Variants in ABCC3 observed in about 807,000 individuals in gnomAD.
ABCC3 encodes ATP binding cassette subfamily C member 3, also known as ATP-binding cassette sub-family C member 3.
A neutral mutation model predicts 165.3 loss-of-function variants in ABCC3; 121 were observed. That is an observed-to-expected ratio of 0.73 (90% CI 0.63 to 0.85). The LOEUF is 0.85. ABCC3 is among the 40% of genes least tolerant of loss of function. ABCC3 has a pLI of 0.00. For synonymous variants in ABCC3, 733 were observed against 810.1 expected, an observed-to-expected ratio of 0.90 and a Z score of 1.62; for missense variants, 1,869 against 1,964.1, an observed-to-expected ratio of 0.95 and a Z score of 0.92.
chr17:50,668,662 G>T, intron 14 of ABCC3, 145 bp downstream of exon 14: 1 of 787,604 alleles, frequency 1.3e-6, no homozygotes, highest in Non-Finnish European at 2.1e-6. Flanking sequence ...TCCCTCTTCC[G>T]GGTTCTCTGC....
chr17:50,635,695 C>A, intron 1 of ABCC3: 2 of 670,290 alleles, frequency 3.0e-6, no homozygotes, highest in South Asian at 1.6e-5. Flanking sequence ...CAAAGTTACC[C>A]AGTTCAATGA....
At chr17:50,688,949 T>A (rs1968071807) in intron 30 of ABCC3, among the ~76,000 whole-genome samples, 1 of 149,752 alleles carries the variant, frequency 6.7e-6, no homozygotes, top group Admixed American at 6.7e-5. Flanking sequence ...ACACCTGTAA[T>A]CCCAGGACTT....
At chr17:50,676,611 G>A in intron 23 of ABCC3, 23 bp downstream of exon 23, 1 of 1,573,790 alleles carries the variant, frequency 6.4e-7, no homozygotes, top group East Asian at 2.3e-5. Context: ...CGTGATTCCA[G>A]TGTGGGCGTG....
At chr17:50,673,276 A>G in intron 18 of ABCC3, 138 bp downstream of exon 18, 2 of 1,288,424 alleles carry the variant, frequency 1.6e-6, no homozygotes, top group Admixed American at 2.2e-5. Context: ...GGGCATCAGG[A>G]GAAACCTGTG....
intron 19 of ABCC3, among the ~76,000 whole-genome samples, chr17:50,673,984 C>CTTTCCTTCCTTCCTTCCT (rs1567835582): frequency 8.7e-5 from 1 of 11,550 alleles, no homozygotes; most frequent in Non-Finnish European, 1.5e-4. Context: ...TTCTTTCTCT[C>CTTTCCTTCCTTCCTTCCT]TCTCTCTCTC....
At chr17:50,684,575 T>A in intron 28 of ABCC3, 134 bp from the exon 29 acceptor site, 1 of 954,080 alleles carries the variant, frequency 1.0e-6, no homozygotes, top group Non-Finnish European at 1.5e-6. Flanking sequence ...TCTTTGGCCA[T>A]TGTGTCCTCT....
At chr17:50,663,639 G>A (rs188949774) in intron 8 of ABCC3, 42 bp from the exon 9 acceptor site, 19 of 1,603,098 alleles carry the variant, frequency 1.2e-5, no homozygotes, top group Non-Finnish European at 1.5e-5. Flanking sequence ...GAGCAGCCAT[G>A]GGGGCAGCAC....
intron 23 of ABCC3, among the ~76,000 whole-genome samples, chr17:50,677,498 G>A (rs1381191995): frequency 2.0e-5 from 3 of 152,168 alleles, no homozygotes; most frequent in African/African-American, 4.8e-5. Context: ...ACAGAGGAGA[G>A]GATGGAAACT....
At position 50,688,161 on chromosome 17, in the gene ABCC3, C is replaced by T. The variant is rs539324988; in HGVS notation, c.4475+431C>T. 5.9e-5 allele frequency among the ~76,000 whole-genome samples: 9 copies of T among 152,212 alleles called. No individual in the cohort carries two copies. The East Asian group carries it at 9.7e-4, about 16-fold the overall frequency. ...CTGACCTCAAGTGATCCACCTGTCT[C>T]GGCCTCCCAAAGTGCTGGGATTACA... On this transcript the variant is annotated intron_variant, in intron 30 of 30. Coordinates refer to ENST00000285238, the MANE Select transcript of ABCC3 (RefSeq NM_003786.4).
At chr17:50,672,042 T>A (rs1485831758) in intron 17 of ABCC3, among the ~76,000 whole-genome samples, 1 of 151,950 alleles carries the variant, frequency 6.6e-6, no homozygotes, top group African/African-American at 2.4e-5. Context: ...CTTTCTTTCT[T>A]ATAAAGCCAC....
chr17:50,668,719 C>A, intron 14 of ABCC3, 134 bp from the exon 15 acceptor site: 2 of 830,422 alleles, frequency 2.4e-6, no homozygotes, highest in South Asian at 3.2e-5. Flanking sequence ...CTTTCTTCCT[C>A]CCTTTTCCCA....
chr17:50,674,040 C>T (rs1453399918), intron 19 of ABCC3, among the ~76,000 whole-genome samples: 3 of 28,912 alleles, frequency 1.0e-4, no homozygotes, highest in East Asian at 6.4e-4. Flanking sequence ...CTCTCTCTTT[C>T]TTTCTTTCTT....
At chr17:50,659,065 A>G in intron 6 of ABCC3, 172 bp from the exon 7 acceptor site, 1 of 689,504 alleles carries the variant, frequency 1.5e-6, no homozygotes, top group Non-Finnish European at 2.3e-6. Flanking sequence ...AGAGCCAGTG[A>G]CCTCAAGCCT....
chr17:50,678,272 C>A (rs979150087), intron 25 of ABCC3, 53 bp downstream of exon 25: 29 of 1,499,458 alleles, frequency 1.9e-5, no homozygotes, highest in Non-Finnish European at 2.5e-5. Flanking sequence ...AGAAACCACA[C>A]AGGTGTTCCA....
At chr17:50,646,160 T>C (rs1164650390) in intron 1 of ABCC3, among the ~76,000 whole-genome samples, 3 of 152,048 alleles carry the variant, frequency 2.0e-5, no homozygotes, top group Non-Finnish European at 4.4e-5. Flanking sequence ...CAGGTGGCAG[T>C]ATTAAACAGG....
chr17:50,653,682 G>A (rs890479216), intron 1 of ABCC3, among the ~76,000 whole-genome samples: 2 of 152,028 alleles, frequency 1.3e-5, no homozygotes, highest in Non-Finnish European at 2.9e-5. Context: ...GAACCTGGGA[G>A]GCAGAGGTTG....
rs767423739 is a variant in ABCC3 at position 50,676,428 on chromosome 17, C to T, written c.3218C>T (p.Ser1073Phe). Residue 1073 changes from serine (S) to phenylalanine (F), a missense_variant, in exon 23 of 31, where the codon TCC becomes TTC. Ser to Phe is a radical substitution (Grantham distance 155). Coordinates refer to ENST00000285238, the MANE Select transcript of ABCC3 (RefSeq NM_003786.4). ...TCAGGCCGCATCCTGAACTGCTTCT[C>T]CAAGGACATCTATGTCGTTGATGAG... ...TPSGRILNCFSKDIYVVDEVL... is the reference protein window; with the variant it reads ...TPSGRILNCFFKDIYVVDEVL... 6 of 1,614,222 alleles carry T rather than the reference C, an allele frequency of 3.7e-6. No individual in the cohort carries two copies. The highest frequency in any genetic ancestry group is 1.3e-5 in the African/African-American group (1 of 75,044).
chr17:50,636,226 C>T (rs1013378033), intron 1 of ABCC3, among the ~76,000 whole-genome samples: 4 of 152,174 alleles, frequency 2.6e-5, no homozygotes, highest in South Asian at 2.1e-4. Context: ...TACGCACACA[C>T]GCAGGCACGT....
chr17:50,669,864 T>C (rs904439841), intron 17 of ABCC3, among the ~76,000 whole-genome samples: 1 of 152,058 alleles, frequency 6.6e-6, no homozygotes, highest in Non-Finnish European at 1.5e-5. Context: ...GGTGACATCA[T>C]GGGACGCTGC....
Sources: allele counts gnomAD v4.1 joint callset (sites outside exome capture counted in the v4.1 genomes callset), GRCh38; gene constraint gnomAD v4.1.1; transcripts MANE v1.5; gene names NCBI Gene and HGNC (gene_info 2026-07-23, HGNC 2026-07-21).